CKB: variants seen among roughly 807,000 people sequenced by gnomAD.
CKB encodes creatine kinase B.
CKB carries 15 observed loss-of-function variants against 36.9 expected under a neutral mutation model. That is an observed-to-expected ratio of 0.41 (90% CI 0.27 to 0.63). The LOEUF (loss-of-function observed/expected upper bound fraction) is 0.63. CKB is among the 20% of genes least tolerant of loss of function. The pLI is 0.34. For missense variants in CKB, 413 were observed against 534.9 expected (o/e 0.77, Z 2.25); for synonymous variants, 250 against 228.2 (o/e 1.10, Z -0.86).
At position 103,522,516 on chromosome 14, in the gene CKB, A is replaced by G; in HGVS notation, c.-12-11T>C. 1 of 1,369,454 alleles carries G rather than the reference A, an allele frequency of 7.3e-7. No homozygotes were observed. The allele number at this position is 1,369,454 out of a possible 1,614,324, so 84.8% of individuals were successfully genotyped here. On this transcript the variant is annotated splice_polypyrimidine_tract_variant and intron_variant, in intron 1 of 7. Transcript: ENST00000348956. The surrounding 1 kb of genome is among the most constrained non-coding windows in gnomAD (Gnocchi z 6.7). ...CATGGCGGCGGCGGGCTGCGGGGAG[A>G]CGCGGGGTCAGAGGGGACCGGCACG...
chr14:103,521,010 G>C, intron 5 of CKB: 3 of 613,210 alleles, frequency 4.9e-6, no homozygotes, highest in East Asian at 5.8e-5. Context: ...CTCACGTCTC[G>C]GGGTGGGGAG....
rs774205847 is a variant in CKB, at chr14:103,519,819, A to G, written c.*45T>C. On this transcript the variant is annotated 3_prime_UTR_variant, in exon 8 of 8. Transcript: ENST00000348956. ...GTGCATGGTGGGCACTGCCCAGGCA[A>G]TAAGTTAGGAAGCAGCAGGGCTGGT... The G allele has an allele frequency of 8.3e-6, 13 of 1,558,910 alleles. No individual in the cohort carries two copies. Among genetic ancestry groups the G allele is most frequent in the South Asian group, 3.6e-5 (3 of 83,912 alleles).
chr14:103,520,204 C>CT lies in CKB; in HGVS notation c.884_885insA (p.His296AlafsTer11). ...TGCCCAGGTTGGGCAGCTTGATATGCACACCTGCCCGCAGCCCGGTGCCCA... is the reference window on the plus strand; with the variant it reads ...TGCCCAGGTTGGGCAGCTTGATATGCTACACCTGCCCGCAGCCCGGTGCCCA... On this transcript the variant is annotated frameshift_variant, in exon 7 of 8. Coordinates refer to ENST00000348956, the MANE Select transcript of CKB (RefSeq NM_001823.5). LOFTEE classifies it high-confidence loss of function. 3 of 1,613,514 alleles carry CT rather than the reference C, an allele frequency of 1.9e-6. No individual in the cohort carries two copies. Among genetic ancestry groups the CT allele is most frequent in the Non-Finnish European group, 2.5e-6 (3 of 1,179,958 alleles).
In CKB at chr14:103,521,873, G is replaced by A. The variant is rs770059987; in HGVS notation, c.426C>T (p.Leu142=). The A allele has an allele frequency of 3.2e-6, 5 of 1,562,638 alleles. No individual in the cohort carries two copies. The highest frequency in any genetic ancestry group is 1.2e-5 in the South Asian group (1 of 85,944). ...RTGRSIRGFC[L]PPHCSRGERR... Reference sequence around the variant, plus strand: ...GCTCCCCGCGGCTGCAGTGCGGGGGGAGGCAGAAGCCACGGATGCTGCGGC... The same window carrying A: ...GCTCCCCGCGGCTGCAGTGCGGGGGAAGGCAGAAGCCACGGATGCTGCGGC... Residue 142 remains leucine, a synonymous_variant, in exon 4 of 8, where the codon CTC becomes CTT. Coordinates refer to ENST00000348956, the MANE Select transcript of CKB (RefSeq NM_001823.5).
At position 103,521,867 on chromosome 14, in the gene CKB, C is replaced by A; in HGVS notation, c.432G>T (p.Pro144=). 1.3e-6 allele frequency: 2 copies of A among 1,554,144 alleles called. No homozygotes were observed. The highest frequency in any genetic ancestry group is 1.7e-6 in the Non-Finnish European group (2 of 1,160,498). ...GRSIRGFCLP[P]HCSRGERRAI... is the part of the protein sequence containing the mutation. ...CGCGGCGCTCCCCGCGGCTGCAGTG[C>A]GGGGGGAGGCAGAAGCCACGGATGC... The change falls in exon 4 of 8, where the codon CCG becomes CCT. Residue 144 remains proline, a synonymous_variant. Coordinates refer to ENST00000348956, the MANE Select transcript of CKB (RefSeq NM_001823.5).
chr14:103,521,681 G>A (rs2075902256), intron 4 of CKB, 137 bp downstream of exon 4: 1 of 1,122,110 alleles, frequency 8.9e-7, no homozygotes, highest in Non-Finnish European at 1.2e-6. Flanking sequence ...GGTCCCTCCG[G>A]GAAACTGAAC....
At chr14:103,520,754 G>A (rs1386883536) in intron 5 of CKB, 162 bp from the exon 6 acceptor site, 13 of 1,009,746 alleles carry the variant, frequency 1.3e-5, no homozygotes, top group African/African-American at 3.3e-5. Context: ...CGGGGGAACC[G>A]GGACGCCTCA....
chr14:103,519,839 G>A lies in CKB; in HGVS notation c.*25C>T, dbSNP rs759553898. 8 of 1,577,542 alleles carry A rather than the reference G, an allele frequency of 5.1e-6. No individual in the cohort carries two copies. Among genetic ancestry groups the A allele is most frequent in the South Asian group, 4.6e-5 (4 of 87,256 alleles). On this transcript the variant is annotated 3_prime_UTR_variant, in exon 8 of 8. Coordinates refer to ENST00000348956, the MANE Select transcript of CKB (RefSeq NM_001823.5). ...AGGCAATAAGTTAGGAAGCAGCAGG[G>A]CTGGTGTCGGGTGTGGGCCGGGCTT...
intron 5 of CKB, 194 bp downstream of exon 5, chr14:103,521,069 G>A (rs755489688): frequency 2.7e-6 from 2 of 748,722 alleles, no homozygotes; most frequent in South Asian, 1.5e-5. Context: ...GTCCCTTAAC[G>A]CACCTGCTCG....
At chr14:103,521,588 G>T in intron 4 of CKB, 154 bp from the exon 5 acceptor site, 2 of 926,948 alleles carry the variant, frequency 2.2e-6, no homozygotes, top group Non-Finnish European at 2.9e-6. Context: ...CCGGGCGACG[G>T]TCCCAGGCGG....
chr14:103,521,694 G>C, intron 4 of CKB, 124 bp downstream of exon 4: 3 of 1,159,368 alleles, frequency 2.6e-6, no homozygotes, highest in Non-Finnish European at 2.2e-6. Context: ...AACTGAACCC[G>C]GGCGCGCGCA....
In CKB at chr14:103,522,482, G is replaced by A. The variant is rs1196249221; in HGVS notation, c.12C>T (p.Ser4=). The stretch of plus-strand genomic sequence containing the variant: ...GCAGCTTCAGTGCGTTGTGGCTGTT[G>A]GAGAAGGGCATGGCGGCGGCGGGCT... MPF[S]NSHNALKLRF... The change falls in exon 2 of 8, where the codon TCC becomes TCT. Residue 4 remains serine, a synonymous_variant. Transcript: ENST00000348956. This position sits in a 1 kb window ranked among gnomAD's most constrained non-coding sequence, Gnocchi z 6.7. 2 of 1,604,000 alleles carry A rather than the reference G, an allele frequency of 1.2e-6. No individual in the cohort carries two copies. The highest frequency in any genetic ancestry group is 1.4e-5 in the African/African-American group (1 of 73,440).
At chr14:103,521,050 CG>C (rs990375963) in intron 5 of CKB, 2 of 707,100 alleles carry the variant, frequency 2.8e-6, no homozygotes, top group Non-Finnish European at 2.5e-6. Context: ...CCCCACGGGC[CG>C]GGGCCCAGTC....
Position 103,522,439 on chromosome 14 carries a change from C to A in CKB, c.55G>T (p.Glu19Ter). The A allele has an allele frequency of 1.2e-6, 2 of 1,609,922 alleles. No individual in the cohort carries two copies. Among genetic ancestry groups the A allele is most frequent in the Non-Finnish European group, 1.7e-6 (2 of 1,178,666 alleles). ...TTGTGGGCGCTCAGGTCGGGGAACT[C>A]GTCCTCGGCCGGGAAGCGCAGCTTC... The part of the protein sequence containing the change: ...ALKLRFPAED[E>*]FPDLSAHNNH... The change falls in exon 2 of 8, where the codon GAG becomes TAG. Residue 19 changes from glutamate to a stop codon, truncating the protein, a stop_gained. Coordinates refer to ENST00000348956, the MANE Select transcript of CKB (RefSeq NM_001823.5). LOFTEE classifies it high-confidence loss of function. This position sits in a 1 kb window ranked among gnomAD's most constrained non-coding sequence, Gnocchi z 6.7.
chr14:103,521,638 C>T, intron 4 of CKB, 180 bp downstream of exon 4: 1 of 952,834 alleles, frequency 1.0e-6, no homozygotes, highest in Non-Finnish European at 1.4e-6. Flanking sequence ...GGCCCCAGGC[C>T]GCTGTGGGCG....
chr14:103,520,487 G>A lies in CKB; in HGVS notation c.759C>T (p.Phe253=). Residue 253 remains phenylalanine (F), a synonymous_variant, in exon 6 of 8, where the codon TTC becomes TTT. Coordinates refer to ENST00000348956, the MANE Select transcript of CKB (RefSeq NM_001823.5). ...CTGGCACCTGGGTGAGGCCGGTGCAGAAGCGGGTGAACACCTCCTTCATGT... is the reference window on the plus strand; with the variant it reads ...CTGGCACCTGGGTGAGGCCGGTGCAAAAGCGGGTGAACACCTCCTTCATGT... ...GGNMKEVFTR[F]CTGLTQIETL... The A allele has an allele frequency of 6.2e-7, 1 of 1,603,600 alleles. No individual in the cohort carries two copies. Among genetic ancestry groups the A allele is most frequent in the Non-Finnish European group, 8.5e-7 (1 of 1,175,024 alleles).
In CKB at chr14:103,519,788, T is replaced by A. The variant is rs548969095; in HGVS notation, c.*76A>T. Reference sequence around the variant, plus strand: ...CTAAGGGCTCGCCAGACGGCGAACATCAGGGGTGCATGGTGGGCACTGCCC... The same window carrying A: ...CTAAGGGCTCGCCAGACGGCGAACAACAGGGGTGCATGGTGGGCACTGCCC... On this transcript the variant is annotated 3_prime_UTR_variant, in exon 8 of 8. Coordinates refer to ENST00000348956, the MANE Select transcript of CKB (RefSeq NM_001823.5). The A allele has an allele frequency of 4.7e-6, 7 of 1,500,458 alleles. No individual in the cohort carries two copies. The highest frequency in any genetic ancestry group is 1.4e-5 in the African/African-American group (1 of 72,304). 92.9% of individuals were successfully genotyped at this position (1,500,458 alleles called of 1,614,324 possible).
In CKB at chr14:103,520,079, C is replaced by A. The variant is rs372367439; in HGVS notation, c.968-37G>T. On this transcript the variant is annotated intron_variant, in intron 7 of 7. Transcript: ENST00000348956. ...GCAAGTCAGGGCGGAGGAAACAGGG[C>A]TGCCCAAAGGCCACGGGAAGCCGCA... 53 of 1,605,848 alleles carry A rather than the reference C, an allele frequency of 3.3e-5. 3 individuals carry two copies. The South Asian group carries it at 5.7e-4, about 17-fold the overall frequency.
At position 103,522,601 on chromosome 14, in the gene CKB, C is replaced by T; in HGVS notation, c.-12-96G>A. 1.1e-6 allele frequency: 1 copy of T among 883,728 alleles called. No individual in the cohort carries two copies. The highest frequency in any genetic ancestry group is 2.7e-5 in the South Asian group (1 of 37,198). 54.7% of individuals were successfully genotyped at this position (883,728 alleles called of 1,614,324 possible). On this transcript the variant is annotated intron_variant, in intron 1 of 7. Coordinates refer to ENST00000348956, the MANE Select transcript of CKB (RefSeq NM_001823.5). This position sits in a 1 kb window ranked among gnomAD's most constrained non-coding sequence, Gnocchi z 6.7. Reference sequence around the variant, plus strand: ...CCCCGCCGCCGGGCCCCCCGGCGCCCCCCGGGACGCGGCCAAGGTCAGCGG... The same window carrying T: ...CCCCGCCGCCGGGCCCCCCGGCGCCTCCCGGGACGCGGCCAAGGTCAGCGG...
Sources: allele counts gnomAD v4.1 joint callset, GRCh38; gene constraint gnomAD v4.1.1; non-coding constraint Gnocchi (gnomAD v3.1); transcripts MANE v1.5; gene names NCBI Gene and HGNC (gene_info 2026-07-23, HGNC 2026-07-21).